Variants in ARHGAP42 observed in about 807,000 individuals in gnomAD.
The protein encoded by ARHGAP42 is Rho GTPase activating protein 42.
A neutral mutation model predicts 125.0 loss-of-function variants in ARHGAP42; 63 were observed. The observed-to-expected ratio is 0.50, with a 90% CI of 0.41 to 0.62. ARHGAP42 has a LOEUF of 0.62. Ranked by LOEUF, ARHGAP42 falls within the 20% of genes least tolerant of loss-of-function variation. ARHGAP42 has a pLI of 0.00. For missense variants in ARHGAP42, 766 were observed against 1,024.2 expected, an observed-to-expected ratio of 0.75 and a Z score of 3.44; for synonymous variants, 339 against 351.0, an observed-to-expected ratio of 0.97 and a Z score of 0.38.
intron 3 of ARHGAP42, among the ~76,000 whole-genome samples, chr11:100,797,981 A>G (rs1473144803): frequency 6.6e-6 from 1 of 152,230 alleles, no homozygotes; most frequent in Non-Finnish European, 1.5e-5. Flanking sequence ...GGAGAGGTTC[A>G]AGACTCAGTG....
chr11:100,798,926 G>A (rs1329337537), intron 3 of ARHGAP42, among the ~76,000 whole-genome samples: 1 of 152,182 alleles, frequency 6.6e-6, no homozygotes, highest in East Asian at 1.9e-4. Context: ...AGCTGGGGAA[G>A]GATCACACAA....
intron 4 of ARHGAP42, among the ~76,000 whole-genome samples, chr11:100,899,769 C>T (rs1591279323): frequency 2.4e-5 from 3 of 122,588 alleles, no homozygotes; most frequent in Admixed American, 1.8e-4. Context: ...TGTAGATCTT[C>T]CTCCATCCCT....
At chr11:100,903,113 A>T (rs1169771319) in intron 4 of ARHGAP42, among the ~76,000 whole-genome samples, 2 of 125,634 alleles carry the variant, frequency 1.6e-5, no homozygotes, top group African/African-American at 6.1e-5. Context: ...GCTGTCCAAG[A>T]TGCGCACACA....
intron 3 of ARHGAP42, among the ~76,000 whole-genome samples, chr11:100,853,042 A>T (rs1386261304): frequency 6.6e-6 from 1 of 152,192 alleles, no homozygotes; most frequent in Admixed American, 6.6e-5. Context: ...CATAATTTAA[A>T]TATCTTCCCT....
intron 12 of ARHGAP42, among the ~76,000 whole-genome samples, chr11:100,952,625 A>G (rs757226254): frequency 2.0e-5 from 3 of 152,054 alleles, no homozygotes; most frequent in South Asian, 4.1e-4. Context: ...GGTGCTACCA[A>G]TGAAAGAAAC....
intron 1 of ARHGAP42, among the ~76,000 whole-genome samples, chr11:100,690,605 T>A (rs1861171688): frequency 6.6e-6 from 1 of 152,152 alleles, no homozygotes; most frequent in African/African-American, 2.4e-5. Flanking sequence ...TATTTATTTA[T>A]TTTTCTTTTG....
chr11:100,752,270 T>A (rs1188637344), intron 1 of ARHGAP42, among the ~76,000 whole-genome samples: 1 of 152,144 alleles, frequency 6.6e-6, no homozygotes, highest in African/African-American at 2.4e-5. Context: ...GCCCCAGTTA[T>A]TTCACAGTCA....
chr11:100,940,210 G>A (rs1389862591), intron 8 of ARHGAP42, among the ~76,000 whole-genome samples: 1 of 152,070 alleles, frequency 6.6e-6, no homozygotes, highest in African/African-American at 2.4e-5. Flanking sequence ...TATTATTAAA[G>A]AAAAAAATTA....
intron 2 of ARHGAP42, among the ~76,000 whole-genome samples, chr11:100,791,622 T>A (rs1863569793): frequency 6.6e-6 from 1 of 151,740 alleles, no homozygotes; most frequent in South Asian, 2.1e-4. Flanking sequence ...TTTCTGGAAC[T>A]GAGACTACAA....
intron 3 of ARHGAP42, among the ~76,000 whole-genome samples, chr11:100,846,405 G>A (rs55864876): frequency 0.054 from 8,273 of 152,186 alleles, 287 homozygotes; most frequent in Non-Finnish European, 0.084. Flanking sequence ...TGTTTAGTTT[G>A]TAGGAATGTA....
chr11:100,825,507 C>T (rs1591212709), intron 3 of ARHGAP42, among the ~76,000 whole-genome samples: 1 of 152,248 alleles, frequency 6.6e-6, no homozygotes, highest in East Asian at 1.9e-4. Flanking sequence ...CCAGAATAAG[C>T]ACTTTTACCA....
In ARHGAP42 at chr11:100,992,331, G is replaced by T; in HGVS notation, c.*3530G>T. 1 of 1,609,876 alleles carries T rather than the reference G, an allele frequency of 6.2e-7. No homozygotes were observed. The highest frequency in any genetic ancestry group is 8.5e-7 in the Non-Finnish European group (1 of 1,178,276). On this transcript the variant is annotated 3_prime_UTR_variant, in exon 24 of 24. Coordinates refer to ENST00000298815, the MANE Select transcript of ARHGAP42 (RefSeq NM_152432.4). ...AGCATGACCTCACATCACTGCGTAG[G>T]ACCCGGAAATCACATCTCCTGGTCA...
intron 2 of ARHGAP42, among the ~76,000 whole-genome samples, chr11:100,775,112 T>C (rs1565208625): frequency 6.6e-6 from 1 of 152,174 alleles, no homozygotes; most frequent in East Asian, 1.9e-4. Flanking sequence ...AGGTGAGCTT[T>C]GGCCTGTTCC....
At chr11:100,831,597 T>C (rs1864664625) in intron 3 of ARHGAP42, among the ~76,000 whole-genome samples, 1 of 152,202 alleles carries the variant, frequency 6.6e-6, no homozygotes, top group Admixed American at 6.5e-5. Flanking sequence ...TCCAAGCTAC[T>C]GCTACTGTAG....
At chr11:100,865,744 A>G (rs1865553826) in intron 4 of ARHGAP42, among the ~76,000 whole-genome samples, 1 of 152,230 alleles carries the variant, frequency 6.6e-6, no homozygotes, top group African/African-American at 2.4e-5. Context: ...ATCAATGTAC[A>G]TACCTTATTA....
chr11:100,820,028 G>T (rs1864366343), intron 3 of ARHGAP42, among the ~76,000 whole-genome samples: 1 of 152,094 alleles, frequency 6.6e-6, no homozygotes, highest in Admixed American at 6.6e-5. Context: ...ATCTCAGCCT[G>T]TTAGTATGCC....
intron 8 of ARHGAP42, among the ~76,000 whole-genome samples, chr11:100,939,609 T>C (rs1412036848): frequency 6.6e-6 from 1 of 152,178 alleles, no homozygotes; most frequent in Non-Finnish European, 1.5e-5. Flanking sequence ...TTAATTCCCC[T>C]TCCGCACTGC....
chr11:100,979,695 T>C (rs1185242049), intron 22 of ARHGAP42, among the ~76,000 whole-genome samples: 1 of 104,076 alleles, frequency 9.6e-6, no homozygotes, highest in African/African-American at 3.9e-5. Flanking sequence ...TCAGAGGCTT[T>C]TCATTATTTT....
intron 4 of ARHGAP42, among the ~76,000 whole-genome samples, chr11:100,868,124 A>G (rs1387182834): frequency 6.6e-6 from 1 of 152,240 alleles, no homozygotes. Context: ...TATGAGAGTT[A>G]GAAAGTTGTG....
Sources: allele counts gnomAD v4.1 joint callset (sites outside exome capture counted in the v4.1 genomes callset), GRCh38; gene constraint gnomAD v4.1.1; transcripts MANE v1.5; gene names NCBI Gene and HGNC (gene_info 2026-07-23, HGNC 2026-07-21).